COG6: variants seen among roughly 807,000 people sequenced by gnomAD.
The protein encoded by COG6 is component of oligomeric golgi complex 6, also known as conserved oligomeric Golgi complex subunit 6.
In COG6, 74 loss-of-function variants were observed where a neutral mutation model predicts 88.8. The ratio of observed to expected loss-of-function variants is 0.83; its 90% CI spans 0.69 to 1.01. The LOEUF is 1.01. Among genes scored for constraint, COG6 ranks in the 50% least tolerant of loss-of-function variants. The pLI is 0.00. For synonymous variants in COG6, 286 were observed against 278.7 expected (o/e 1.03, Z -0.26); for missense variants, 800 against 797.9 (o/e 1.00, Z -0.03).
intron 18 of COG6, among the ~76,000 whole-genome samples, chr13:39,763,064 G>A (rs185018081): frequency 1.3e-5 from 2 of 151,490 alleles, no homozygotes; most frequent in Non-Finnish European, 3.0e-5. Context: ...TCCTTTATTT[G>A]TTAATGTGAT....
intron 18 of COG6, among the ~76,000 whole-genome samples, chr13:39,783,130 C>T (rs900563013): frequency 1.3e-5 from 2 of 152,056 alleles, no homozygotes; most frequent in African/African-American, 2.4e-5. Context: ...TAGTAAAGCT[C>T]GAGTATTGAT....
intron 18 of COG6, among the ~76,000 whole-genome samples, chr13:39,784,281 C>A (rs545238652): frequency 6.6e-6 from 1 of 152,264 alleles, no homozygotes; most frequent in African/African-American, 2.4e-5. Context: ...GGAGAACATC[C>A]TATGAGGGTA....
At chr13:39,788,454 A>G in exon 19 of COG6, 2 of 1,192,326 alleles carry the variant, frequency 1.7e-6, no homozygotes, top group Non-Finnish European at 1.2e-6. Context: ...TGGCTATAGA[A>G]ATGTGGCCAG....
intron 18 of COG6, among the ~76,000 whole-genome samples, chr13:39,733,365 A>G (rs1593460127): frequency 6.6e-6 from 1 of 151,622 alleles, no homozygotes; most frequent in African/African-American, 2.4e-5. Flanking sequence ...TAATTTTTGT[A>G]GTTTTAGTAG....
chr13:39,785,627 C>T (rs150289310), intron 18 of COG6: 1 of 152,280 alleles, frequency 6.6e-6, no homozygotes, highest in African/African-American at 2.4e-5. Context: ...TACACTCCTC[C>T]ATCAGAAACA....
rs764437648 is a variant in COG6, at chr13:39,687,549, C to T, written c.835C>T (p.Arg279Cys). The change falls in exon 9 of 19, where the codon CGT (arginine) becomes TGT (cysteine). Residue 279 changes from arginine (R) to cysteine (C), a missense_variant. Arg to Cys is a radical substitution (Grantham distance 180). Coordinates refer to ENST00000455146, the MANE Select transcript of COG6 (RefSeq NM_020751.3). ...FGTARRSTVV[R>C]GFIDALTRGG... ...AACAGCCAGAAGAAGTACAGTTGTT[C>T]GTGGATTTATTGATGCGCTCACAAG... 1.5e-5 allele frequency: 24 copies of T among 1,612,694 alleles called. No individual in the cohort carries two copies. The highest frequency in any genetic ancestry group is 2.2e-5 in the South Asian group (2 of 90,992).
chr13:39,689,365 A>G (rs866965439), intron 10 of COG6, among the ~76,000 whole-genome samples: 1 of 152,194 alleles, frequency 6.6e-6, no homozygotes, highest in Non-Finnish European at 1.5e-5. Context: ...CCCTCAGTGT[A>G]TGTGCTAAGC....
chr13:39,666,408 T>C (rs1158216705), intron 4 of COG6, among the ~76,000 whole-genome samples: 1 of 152,038 alleles, frequency 6.6e-6, no homozygotes, highest in Non-Finnish European at 1.5e-5. Context: ...CTCTAAAAAA[T>C]AAATAAGTAA....
At chr13:39,708,798 A>G (rs1296271440) in intron 13 of COG6, among the ~76,000 whole-genome samples, 1 of 152,156 alleles carries the variant, frequency 6.6e-6, no homozygotes, top group Non-Finnish European at 1.5e-5. Context: ...TTAGCTACAT[A>G]TGTATTTCTT....
intron 13 of COG6, among the ~76,000 whole-genome samples, chr13:39,704,768 A>T (rs1484678684): frequency 6.6e-6 from 1 of 152,234 alleles, no homozygotes; most frequent in Non-Finnish European, 1.5e-5. Flanking sequence ...TTTATTAATT[A>T]CCAATCAATA....
chr13:39,702,939 C>T (rs1877665285), intron 13 of COG6, among the ~76,000 whole-genome samples: 1 of 152,122 alleles, frequency 6.6e-6, no homozygotes, highest in Non-Finnish European at 1.5e-5. Context: ...TCATTTTCTG[C>T]TGGCCTATAT....
chr13:39,739,637 G>C (rs1879945295), intron 18 of COG6, among the ~76,000 whole-genome samples: 1 of 152,054 alleles, frequency 6.6e-6, no homozygotes, highest in Admixed American at 6.6e-5. Flanking sequence ...AAACCAGTTA[G>C]AGAAGAGTAC....
chr13:39,778,542 T>C (rs9315732), intron 18 of COG6, among the ~76,000 whole-genome samples: 152,087 of 152,372 alleles, frequency 1, 75,903 homozygotes, highest in Middle Eastern at 1. Flanking sequence ...AACGTGTAGA[T>C]TCTGCCTTCA....
At chr13:39,742,793 G>T (rs1460496733) in intron 18 of COG6, among the ~76,000 whole-genome samples, 1 of 152,124 alleles carries the variant, frequency 6.6e-6, no homozygotes, top group Non-Finnish European at 1.5e-5. Flanking sequence ...CAAATCAACA[G>T]AATATACATT....
At chr13:39,731,454 C>A (rs6563745) in intron 18 of COG6, among the ~76,000 whole-genome samples, 39,300 of 152,098 alleles carry the variant, frequency 0.26, 5,116 homozygotes, top group African/African-American at 0.27. Flanking sequence ...AATGCAAAAT[C>A]TCCAATATTC....
chr13:39,719,156 T>G, intron 13 of COG6, 80 bp from the exon 14 acceptor site: 1 of 1,420,102 alleles, frequency 7.0e-7, no homozygotes, highest in Non-Finnish European at 9.9e-7. Flanking sequence ...TTTACATTTT[T>G]TTTTACTATG....
chr13:39,750,675 A>G (rs1880573457), intron 18 of COG6, among the ~76,000 whole-genome samples: 1 of 152,218 alleles, frequency 6.6e-6, no homozygotes, highest in Non-Finnish European at 1.5e-5. Flanking sequence ...ACAAATATAT[A>G]GCAGTCCAAT....
At position 39,660,187 on chromosome 13, in the gene COG6, A is replaced by T. The variant is rs73179515; in HGVS notation, c.298-623A>T. Among the ~76,000 whole-genome samples, 1,416 of 151,976 alleles carry T rather than the reference A, an allele frequency of 9.3e-3. 8 individuals carry two copies. Among genetic ancestry groups the T allele is most frequent in the South Asian group, 0.012 (58 of 4,800 alleles). ...CTAATACTTTGGAAAGGATTTTTTTAAAAAAAATTACATTAGAGATGGACT... is the reference window on the plus strand; with the variant it reads ...CTAATACTTTGGAAAGGATTTTTTTTAAAAAAATTACATTAGAGATGGACT... On this transcript the variant is annotated intron_variant, in intron 2 of 18. Transcript: ENST00000455146.
At chr13:39,662,639 T>A (rs893943141) in intron 3 of COG6, among the ~76,000 whole-genome samples, 1 of 152,220 alleles carries the variant, frequency 6.6e-6, no homozygotes, top group African/African-American at 2.4e-5. Context: ...AGAACATTTT[T>A]ATCACATATA....
Sources: allele counts gnomAD v4.1 joint callset (sites outside exome capture counted in the v4.1 genomes callset), GRCh38; gene constraint gnomAD v4.1.1; transcripts MANE v1.5; gene names NCBI Gene and HGNC (gene_info 2026-07-23, HGNC 2026-07-21).